SPAG17: variants seen among roughly 807,000 people sequenced by gnomAD.
SPAG17 encodes sperm associated antigen 17, also known as sperm-associated antigen 17.
A neutral mutation model predicts 273.6 loss-of-function variants in SPAG17; 169 were observed. The observed-to-expected ratio is 0.62, with a 90% CI of 0.55 to 0.70. The LOEUF (loss-of-function observed/expected upper bound fraction) is 0.70. Ranked by LOEUF, SPAG17 falls within the 30% of genes least tolerant of loss-of-function variation. The pLI, the probability that SPAG17 is intolerant of heterozygous loss-of-function variation, is 0.00. For synonymous variants in SPAG17, 825 were observed against 873.2 expected, an observed-to-expected ratio of 0.94 and a Z score of 0.97; for missense variants, 2,557 against 2,627.8, an observed-to-expected ratio of 0.97 and a Z score of 0.59.
intron 3 of SPAG17, among the ~76,000 whole-genome samples, chr1:118,122,439 G>A (rs1294661578): frequency 3.3e-5 from 5 of 152,118 alleles, no homozygotes; most frequent in African/African-American, 7.2e-5. Context: ...GTCTTCCCAC[G>A]TAACACTGCA....
intron 4 of SPAG17, among the ~76,000 whole-genome samples, chr1:118,102,853 G>A (rs1160320533): frequency 2.0e-5 from 3 of 152,104 alleles, no homozygotes; most frequent in Admixed American, 1.3e-4. Context: ...AAGGGGAGAG[G>A]AGCACTTCCC....
At chr1:118,172,015 A>G (rs543193659) in intron 1 of SPAG17, among the ~76,000 whole-genome samples, 9 of 152,206 alleles carry the variant, frequency 5.9e-5, no homozygotes, top group South Asian at 2.1e-4. Flanking sequence ...TGTAAAGGAC[A>G]GCACTATAAT....
At chr1:118,151,877 G>GTTAC (rs1659405232) in intron 1 of SPAG17, among the ~76,000 whole-genome samples, 1 of 152,116 alleles carries the variant, frequency 6.6e-6, no homozygotes, top group South Asian at 2.1e-4. Flanking sequence ...TGTAACACAG[G>GTTAC]AATCTTACTG....
intron 32 of SPAG17, among the ~76,000 whole-genome samples, chr1:117,997,691 T>C (rs1410494801): frequency 5.3e-5 from 8 of 152,116 alleles, no homozygotes; most frequent in African/African-American, 1.9e-4. Flanking sequence ...ACATTCTCTG[T>C]TGCAGCTACT....
chr1:118,057,971 A>G (rs947592158), intron 18 of SPAG17, among the ~76,000 whole-genome samples: 2 of 152,010 alleles, frequency 1.3e-5, no homozygotes, highest in African/African-American at 4.8e-5. Flanking sequence ...ACTTTTTAAA[A>G]ATCACACACT....
intron 3 of SPAG17, among the ~76,000 whole-genome samples, chr1:118,145,195 T>A (rs899127846): frequency 6.6e-6 from 1 of 152,224 alleles, no homozygotes; most frequent in Admixed American, 6.5e-5. Flanking sequence ...CTCTGAAGCA[T>A]GAGTTTTCCA....
At chr1:118,004,597 T>C (rs1246424945) in intron 32 of SPAG17, among the ~76,000 whole-genome samples, 2 of 152,244 alleles carry the variant, frequency 1.3e-5, no homozygotes, top group African/African-American at 4.8e-5. Flanking sequence ...GCAAGGCTCC[T>C]TGGGCGTGAG....
rs376983383 is a variant in SPAG17 at position 118,101,806 on chromosome 1, C to T, written c.568G>A (p.Ala190Thr). The T allele has an allele frequency of 6.2e-6, 10 of 1,613,870 alleles. No homozygotes were observed. The African/African-American group carries it at 9.3e-5, about 15-fold the overall frequency. ...GKGKDQPEAN[A>T]PVKKTTQLKR... ...AACTGGGTGGTCTTTTTCACTGGTG[C>T]ATTTGCCTCAGGCTGATCCTTTCCC... Residue 190 changes from alanine (A) to threonine (T), a missense_variant, in exon 5 of 49, where the codon GCA (alanine) becomes ACA (threonine). Physicochemically the swap from Ala to Thr is moderately conservative, Grantham distance 58. Coordinates refer to ENST00000336338, the MANE Select transcript of SPAG17 (RefSeq NM_206996.4).
At chr1:118,147,821 T>C (rs1297999501) in intron 3 of SPAG17, among the ~76,000 whole-genome samples, 4 of 152,168 alleles carry the variant, frequency 2.6e-5, no homozygotes, top group Non-Finnish European at 5.9e-5. Context: ...TTATTGGAAA[T>C]ATGCAATGTG....
chr1:118,086,822 T>A, intron 11 of SPAG17, 38 bp from the exon 12 acceptor site: 2 of 1,613,986 alleles, frequency 1.2e-6, no homozygotes, highest in Non-Finnish European at 1.7e-6. Flanking sequence ...AAAGAGAGGA[T>A]CTATACTTTT....
chr1:117,972,805 G>A (rs1654715642), intron 44 of SPAG17, among the ~76,000 whole-genome samples: 1 of 152,090 alleles, frequency 6.6e-6, no homozygotes, highest in African/African-American at 2.4e-5. Flanking sequence ...CAAAACTGGT[G>A]GACTCCAGAA....
chr1:118,039,381 T>G lies in SPAG17; in HGVS notation c.3230A>C (p.Asp1077Ala), dbSNP rs904135912. Residue 1077 changes from aspartate to alanine, a missense_variant, in exon 23 of 49, where the codon GAC becomes GCC. By Grantham distance (126) the Asp-to-Ala change is moderately radical. Coordinates refer to ENST00000336338, the MANE Select transcript of SPAG17 (RefSeq NM_206996.4). ...DNHNFMIHLNDPKEIVKKEEK... is the reference protein window; with the variant it reads ...DNHNFMIHLNAPKEIVKKEEK... The stretch of plus-strand genomic sequence containing the variant: ...TTCCTTTTTCACAATTTCCTTAGGG[T>G]CATTTAAATGAATCATAAAATTGTG... The G allele has an allele frequency of 1.2e-6, 2 of 1,613,366 alleles. No individual in the cohort carries two copies. The highest frequency in any genetic ancestry group is 2.7e-5 in the African/African-American group (2 of 74,862).
intron 24 of SPAG17, among the ~76,000 whole-genome samples, chr1:118,035,771 AT>A (rs1649006288): frequency 6.6e-6 from 1 of 152,222 alleles, no homozygotes; most frequent in Non-Finnish European, 1.5e-5. Context: ...TTAAGAAAAT[AT>A]GTTGTGGTTA....
At chr1:118,010,638 C>A (rs565263397) in intron 30 of SPAG17, among the ~76,000 whole-genome samples, 4 of 152,138 alleles carry the variant, frequency 2.6e-5, no homozygotes, top group Non-Finnish European at 4.4e-5. Context: ...CAATACCATT[C>A]TAGACGTAGC....
chr1:117,954,337 G>A (rs1651846359), intron 48 of SPAG17, among the ~76,000 whole-genome samples: 1 of 152,066 alleles, frequency 6.6e-6, no homozygotes, highest in South Asian at 2.1e-4. Flanking sequence ...AGAAACCCAC[G>A]TTCTATGTTG....
At chr1:118,074,693 A>G (rs1187275052) in intron 15 of SPAG17, 93 bp from the exon 16 acceptor site, 5 of 1,158,102 alleles carry the variant, frequency 4.3e-6, no homozygotes, top group Admixed American at 1.8e-5. Context: ...CATATGATCT[A>G]TGTTTCTGTG....
chr1:118,114,996 C>T (rs566937406), intron 4 of SPAG17, among the ~76,000 whole-genome samples: 73 of 152,240 alleles, frequency 4.8e-4, no homozygotes, highest in Non-Finnish European at 8.4e-4. Context: ...TTAGTTTTCC[C>T]GACTCCCTGT....
chr1:118,153,667 T>C (rs1659504075), intron 1 of SPAG17, among the ~76,000 whole-genome samples: 1 of 151,940 alleles, frequency 6.6e-6, no homozygotes, highest in Non-Finnish European at 1.5e-5. Context: ...GCTAACATGA[T>C]GAAACCCCAT....
intron 42 of SPAG17, among the ~76,000 whole-genome samples, chr1:117,982,502 A>G (rs1655950975): frequency 6.6e-6 from 1 of 152,084 alleles, no homozygotes; most frequent in Admixed American, 6.5e-5. Flanking sequence ...TGGCCTCCTA[A>G]AGTGCTGGGA....
Sources: gnomAD v4.1 joint callset for allele counts (sites outside exome capture counted in the v4.1 genomes callset) on GRCh38, gnomAD v4.1.1 for gene constraint, MANE v1.5 for transcripts, NCBI Gene and HGNC (gene_info 2026-07-23, HGNC 2026-07-21) for gene names.